Variants in ATP10A observed in about 807,000 individuals in gnomAD.
The protein encoded by ATP10A is ATPase phospholipid transporting 10A (putative).
Under a neutral mutation model 147.8 loss-of-function variants are expected in ATP10A, and 111 were observed. That is an observed-to-expected ratio of 0.75 (90% CI 0.64 to 0.88). The LOEUF is 0.88. Among genes scored for constraint, ATP10A ranks in the 40% least tolerant of loss-of-function variants. ATP10A has a pLI of 0.00. For missense variants in ATP10A, 1,927 were observed against 1,959.0 expected (o/e 0.98, Z 0.31); for synonymous variants, 875 against 841.6 (o/e 1.04, Z -0.69).
intron 1 of ATP10A, among the ~76,000 whole-genome samples, chr15:25,836,521 G>A (rs556904992): frequency 2.6e-5 from 4 of 152,248 alleles, no homozygotes; most frequent in East Asian, 1.9e-4. Context: ...AATCACGCAC[G>A]TCGATTTCAT....
At chr15:25,717,210 G>A (rs1901874709) in intron 8 of ATP10A, among the ~76,000 whole-genome samples, 1 of 150,590 alleles carries the variant, frequency 6.6e-6, no homozygotes, top group African/African-American at 2.4e-5. Flanking sequence ...ACATATTGGT[G>A]GTTTCCATTT....
downstream of ATP10A, chr15:25,678,343 C>G (rs889553036): frequency 6.6e-6 from 1 of 152,104 alleles, no homozygotes; most frequent in Non-Finnish European, 1.5e-5. Context: ...TTCACAGTCC[C>G]GGTGCCGAGC....
chr15:25,704,741 C>G (rs1900873621), intron 12 of ATP10A, among the ~76,000 whole-genome samples: 1 of 152,228 alleles, frequency 6.6e-6, no homozygotes, highest in Non-Finnish European at 1.5e-5. Flanking sequence ...AGGCAGCAGC[C>G]TTTCAAGATG....
At chr15:25,751,079 T>G (rs1888132962) in intron 2 of ATP10A, among the ~76,000 whole-genome samples, 3 of 152,030 alleles carry the variant, frequency 2.0e-5, no homozygotes, top group Admixed American at 2.0e-4. Context: ...ACTCAATTTC[T>G]TGCTGTCTAA....
At chr15:25,769,167 A>T (rs904679774) in intron 2 of ATP10A, among the ~76,000 whole-genome samples, 1 of 151,976 alleles carries the variant, frequency 6.6e-6, no homozygotes, top group Non-Finnish European at 1.5e-5. Flanking sequence ...CTTTTGATCC[A>T]CTGTTATCCA....
chr15:25,676,642 G>A (rs1899141524), downstream of ATP10A, among the ~76,000 whole-genome samples: 1 of 152,048 alleles, frequency 6.6e-6, no homozygotes. Context: ...TACATCACTT[G>A]GGCGATTCTC....
At chr15:25,779,639 C>G (rs983662723) in intron 2 of ATP10A, among the ~76,000 whole-genome samples, 2 of 152,208 alleles carry the variant, frequency 1.3e-5, no homozygotes, top group Admixed American at 6.5e-5. Flanking sequence ...TCACCAAACC[C>G]TGGAGCACAG....
intron 1 of ATP10A, among the ~76,000 whole-genome samples, chr15:25,805,756 G>A (rs1326969460): frequency 6.6e-6 from 1 of 152,014 alleles, no homozygotes; most frequent in Non-Finnish European, 1.5e-5. Context: ...TTTATAATTG[G>A]CTTTGTGAAA....
At chr15:25,806,911 T>G (rs1891214257) in intron 1 of ATP10A, among the ~76,000 whole-genome samples, 1 of 152,182 alleles carries the variant, frequency 6.6e-6, no homozygotes, top group Non-Finnish European at 1.5e-5. Flanking sequence ...ACTCCTTCCC[T>G]TTCTCCAGAA....
rs138429825 is a variant in ATP10A, at chr15:25,738,300, C to T, written c.655-2159G>A. 4.9e-3 allele frequency among the ~76,000 whole-genome samples: 749 copies of T among 152,272 alleles called. 9 individuals are homozygous for T. Among genetic ancestry groups the T allele is most frequent in the African/African-American group, 0.017 (708 of 41,570 alleles). On this transcript the variant is annotated intron_variant, in intron 2 of 20. Transcript: ENST00000555815. ...GAGCATGGACAAAAGTAGAGGCCCCCGATCCACCCTTCTGCTCTGGGCACA... is the reference window on the plus strand; with the variant it reads ...GAGCATGGACAAAAGTAGAGGCCCCTGATCCACCCTTCTGCTCTGGGCACA...
intron 19 of ATP10A, 51 bp downstream of exon 19, chr15:25,680,759 G>A (rs1335494791): frequency 6.6e-7 from 1 of 1,521,032 alleles, no homozygotes; most frequent in Non-Finnish European, 9.1e-7. Flanking sequence ...GAAGTGTGGG[G>A]TCCACGGCAT....
intron 2 of ATP10A, among the ~76,000 whole-genome samples, chr15:25,758,984 TTTAAA>T (rs1888603974): frequency 6.6e-6 from 1 of 152,128 alleles, no homozygotes; most frequent in Non-Finnish European, 1.5e-5. Context: ...TGTCAGTCTC[TTTAAA>T]TTAGCCCATT....
chr15:25,683,581 A>G, intron 16 of ATP10A, 95 bp from the exon 17 acceptor site: 1 of 1,224,264 alleles, frequency 8.2e-7, no homozygotes, highest in Non-Finnish European at 1.1e-6. Flanking sequence ...AGAGTTTCAC[A>G]GTCAAGATTA....
intron 1 of ATP10A, among the ~76,000 whole-genome samples, chr15:25,814,332 A>G (rs1891557665): frequency 6.6e-6 from 1 of 152,232 alleles, no homozygotes; most frequent in South Asian, 2.1e-4. Context: ...GCTCAGACTT[A>G]AACAAAGACA....
upstream of ATP10A, among the ~76,000 whole-genome samples, chr15:25,864,789 T>C (rs957838819): frequency 2.0e-5 from 3 of 152,178 alleles, no homozygotes; most frequent in African/African-American, 7.2e-5. Flanking sequence ...CCACAGCGCC[T>C]GCAGTCTTGA....
At chr15:25,830,082 G>C (rs150992457) in intron 1 of ATP10A, among the ~76,000 whole-genome samples, 141 of 152,220 alleles carry the variant, frequency 9.3e-4, no homozygotes, top group African/African-American at 3.3e-3. Flanking sequence ...GGAGAAGTGC[G>C]GTGGGCAGCC....
chr15:25,737,180 A>G (rs922092941), intron 2 of ATP10A, among the ~76,000 whole-genome samples: 12 of 152,268 alleles, frequency 7.9e-5, no homozygotes, highest in Non-Finnish European at 1.6e-4. Flanking sequence ...ATTAGCCATC[A>G]GTCTCTCTTC....
chr15:25,787,785 A>AG (rs1890237820), intron 1 of ATP10A, among the ~76,000 whole-genome samples: 1 of 152,136 alleles, frequency 6.6e-6, no homozygotes. Flanking sequence ...GGCTTGTCCA[A>AG]GATCAGGAGT....
At chr15:25,693,486 CAT>C (rs1208554436) in intron 14 of ATP10A, among the ~76,000 whole-genome samples, 1 of 152,252 alleles carries the variant, frequency 6.6e-6, no homozygotes, top group Non-Finnish European at 1.5e-5. Flanking sequence ...GCCAGGGAAA[CAT>C]CATTCACGTC....
Sources: gnomAD v4.1 joint callset for allele counts (sites outside exome capture counted in the v4.1 genomes callset) on GRCh38, gnomAD v4.1.1 for gene constraint, MANE v1.5 for transcripts, NCBI Gene and HGNC (gene_info 2026-07-23, HGNC 2026-07-21) for gene names.